Variants in RIMBP2 observed in about 807,000 individuals in gnomAD.
RIMBP2 encodes RIMS binding protein 2.
In RIMBP2, 48 loss-of-function variants were observed where a neutral mutation model predicts 118.6. The ratio of observed to expected loss-of-function variants is 0.40; its 90% CI spans 0.32 to 0.51. The LOEUF is 0.51. Among genes scored for constraint, RIMBP2 ranks in the 20% least tolerant of loss-of-function variants. The pLI is 0.41. For missense variants in RIMBP2, 1,551 were observed against 1,768.3 expected (o/e 0.88, Z 2.20); for synonymous variants, 762 against 742.9 (o/e 1.03, Z -0.42).
intron 1 of RIMBP2, among the ~76,000 whole-genome samples, chr12:130,646,049 ACCTCCCTCACCAC>A (rs2062869246): frequency 7.7e-6 from 1 of 129,090 alleles, no homozygotes; most frequent in Non-Finnish European, 1.8e-5. Flanking sequence ...TTCCCTCTCC[ACCTCCCTCACCAC>A]CTGCCTCTCC....
chr12:130,432,401 A>G (rs2077207366), intron 14 of RIMBP2: 3 of 432,356 alleles, frequency 6.9e-6, no homozygotes, highest in Admixed American at 2.5e-5. Flanking sequence ...TGTAATACAC[A>G]GAAAGCCTCA....
intron 4 of RIMBP2, among the ~76,000 whole-genome samples, chr12:130,480,787 T>G (rs574170970): frequency 1.3e-5 from 2 of 152,216 alleles, no homozygotes; most frequent in Non-Finnish European, 1.5e-5. Flanking sequence ...TTTTAGTAGA[T>G]ACAGGGTTTT....
At chr12:130,401,138 CAG>C (rs1457974118) in intron 21 of RIMBP2, among the ~76,000 whole-genome samples, 1 of 151,816 alleles carries the variant, frequency 6.6e-6, no homozygotes, top group African/African-American at 2.4e-5. Flanking sequence ...TAAATTGAGA[CAG>C]AGTCTCGCTC....
intron 4 of RIMBP2, among the ~76,000 whole-genome samples, chr12:130,501,281 C>T (rs1358051601): frequency 1.3e-5 from 2 of 152,166 alleles, no homozygotes; most frequent in Non-Finnish European, 2.9e-5. Flanking sequence ...TCCCTGCTTC[C>T]ACTCCTGTTT....
At chr12:130,535,061 C>G (rs917395133) in intron 2 of RIMBP2, among the ~76,000 whole-genome samples, 1 of 152,222 alleles carries the variant, frequency 6.6e-6, no homozygotes, top group African/African-American at 2.4e-5. Flanking sequence ...TGCCCTTTAG[C>G]AAGCTCACGT....
rs546255612 is a variant in RIMBP2, at chr12:130,549,841, T to C, written c.-216-31924A>G. ...CATTCATGCGCATGTGTCTTTTTGGTAGAATGATTTACATTCCTCTGGGTA... is the reference window on the plus strand; with the variant it reads ...CATTCATGCGCATGTGTCTTTTTGGCAGAATGATTTACATTCCTCTGGGTA... On this transcript the variant is annotated intron_variant, in intron 2 of 22. Coordinates refer to ENST00000690449, the MANE Select transcript of RIMBP2 (RefSeq NM_001393629.1). 4.6e-5 allele frequency among the ~76,000 whole-genome samples: 7 copies of C among 152,312 alleles called. No individual in the cohort carries two copies. The South Asian group carries it at 1.2e-3, about 27-fold the overall frequency.
At chr12:130,428,921 A>AC (rs1566017151) in intron 14 of RIMBP2, 1 of 152,210 alleles carries the variant, frequency 6.6e-6, no homozygotes, top group Non-Finnish European at 1.5e-5. Context: ...CACGGTGAAA[A>AC]CCCATCTCTA....
intron 3 of RIMBP2, among the ~76,000 whole-genome samples, chr12:130,508,674 C>T (rs946572195): frequency 1.1e-4 from 16 of 152,108 alleles, no homozygotes; most frequent in South Asian, 1.0e-3. Flanking sequence ...CTGTCCTCTG[C>T]GGCTGTTTGC....
At chr12:130,680,837 G>A (rs1309589974) in intron 1 of RIMBP2, among the ~76,000 whole-genome samples, 2 of 152,222 alleles carry the variant, frequency 1.3e-5, no homozygotes, top group Non-Finnish European at 2.9e-5. Context: ...AGATCGGGGT[G>A]GGAGGAGGAC....
At position 130,539,282 on chromosome 12, in the gene RIMBP2, T is replaced by C. The variant is rs575852260; in HGVS notation, c.-216-21365A>G. ...GTGAATGCATACATAAAATATACTA[T>C]GTTTATATAATATATATAACATGTA... is the stretch of plus-strand genomic sequence containing the variant. On this transcript the variant is annotated intron_variant, in intron 2 of 22. Coordinates refer to ENST00000690449, the MANE Select transcript of RIMBP2 (RefSeq NM_001393629.1). Among the ~76,000 whole-genome samples the C allele has an allele frequency of 5.3e-5, 8 of 152,344 alleles. No homozygotes were observed. In the South Asian group the frequency reaches 1.7e-3, roughly 32 times the overall value.
At chr12:130,615,272 C>CATATATATAT (rs1555309104) in intron 2 of RIMBP2, among the ~76,000 whole-genome samples, 30 of 38,780 alleles carry the variant, frequency 7.7e-4, no homozygotes, top group Middle Eastern at 0.017. Flanking sequence ...ACATAATACA[C>CATATATATAT]ATACATATAT....
At chr12:130,583,779 CG>C (rs1315881179) in intron 2 of RIMBP2, among the ~76,000 whole-genome samples, 21,616 of 88,114 alleles carry the variant, frequency 0.25, 5,717 homozygotes, top group Non-Finnish European at 0.33. Context: ...TCACCACCAC[CG>C]CCATCACCTC....
rs543933640 is a variant in RIMBP2 at position 130,491,039 on chromosome 12, G to A, written c.-3-12023C>T. Reference sequence around the variant, plus strand: ...GGTGGGAAAATGGTGTTCTTATTCCGGTATGCACATTGCTGGCACAGTTTT... The same window carrying A: ...GGTGGGAAAATGGTGTTCTTATTCCAGTATGCACATTGCTGGCACAGTTTT... On this transcript the variant is annotated intron_variant, in intron 4 of 22. Coordinates refer to ENST00000690449, the MANE Select transcript of RIMBP2 (RefSeq NM_001393629.1). Among the ~76,000 whole-genome samples, 8 of 152,288 alleles carry A rather than the reference G, an allele frequency of 5.3e-5. No homozygotes were observed. The East Asian group carries it at 1.2e-3, about 22-fold the overall frequency.
intron 17 of RIMBP2, among the ~76,000 whole-genome samples, chr12:130,416,168 C>A (rs1219238464): frequency 6.6e-6 from 1 of 152,126 alleles, no homozygotes; most frequent in Non-Finnish European, 1.5e-5. Context: ...CCTACAGATT[C>A]AATGCTATTT....
chr12:130,700,027 CG>C (rs2065782247), intron 1 of RIMBP2, among the ~76,000 whole-genome samples: 1 of 151,536 alleles, frequency 6.6e-6, no homozygotes, highest in Non-Finnish European at 1.5e-5. Context: ...AAATAGAAAG[CG>C]TGTGTGGGTG....
intron 1 of RIMBP2, among the ~76,000 whole-genome samples, chr12:130,711,423 A>C (rs1949910026): frequency 1.3e-5 from 2 of 152,192 alleles, no homozygotes; most frequent in South Asian, 4.1e-4. Context: ...GTCTGTGACC[A>C]TGAGAGTTTG....
At chr12:130,496,863 C>T (rs1345122825) in intron 4 of RIMBP2, among the ~76,000 whole-genome samples, 1 of 152,210 alleles carries the variant, frequency 6.6e-6, no homozygotes, top group East Asian at 1.9e-4. Context: ...ACCATGACTG[C>T]CCCGATGTCA....
At chr12:130,428,061 G>C in intron 15 of RIMBP2, 118 bp downstream of exon 15, 2 of 902,406 alleles carry the variant, frequency 2.2e-6, no homozygotes, top group Non-Finnish European at 1.6e-6. Context: ...CCAAATCCGA[G>C]GGCTACTGGT....
chr12:130,542,785 C>A (rs557058869), intron 2 of RIMBP2, among the ~76,000 whole-genome samples: 1 of 152,318 alleles, frequency 6.6e-6, no homozygotes, highest in South Asian at 2.1e-4. Flanking sequence ...CAGTGGGACC[C>A]CAAGTTTTCC....
Sources: allele counts gnomAD v4.1 joint callset (sites outside exome capture counted in the v4.1 genomes callset), GRCh38; gene constraint gnomAD v4.1.1; transcripts MANE v1.5; gene names NCBI Gene and HGNC (gene_info 2026-07-23, HGNC 2026-07-21).